The following ZNF536 variants were observed in gnomAD, a reference collection of about 807,000 sequenced individuals.
The protein encoded by ZNF536 is zinc finger protein 536.
A neutral mutation model predicts 84.5 loss-of-function variants in ZNF536; 13 were observed. The ratio of observed to expected loss-of-function variants is 0.15; its 90% confidence interval spans 0.10 to 0.24. ZNF536 has a LOEUF of 0.24. Ranked by LOEUF, ZNF536 falls within the 10% of genes least tolerant of loss-of-function variation. ZNF536 has a pLI of 1.00. For missense variants in ZNF536, 1,536 were observed against 1,747.5 expected (o/e 0.88, Z 2.16); for synonymous variants, 811 against 742.5 (o/e 1.09, Z -1.50).
At chr19:30,553,221 T>A (rs556361289) in intron 4 of ZNF536, among the ~76,000 whole-genome samples, 2 of 152,288 alleles carry the variant, frequency 1.3e-5, no homozygotes, top group Admixed American at 6.5e-5. Context: ...AGTGTTTGCA[T>A]CCATGGACAA....
At chr19:30,622,132 C>T (rs1372616522) in intron 1 of ZNF536, among the ~76,000 whole-genome samples, 1 of 152,172 alleles carries the variant, frequency 6.6e-6, no homozygotes, top group East Asian at 1.9e-4. Flanking sequence ...TTTCAACTGA[C>T]CCTTAGGCAG....
chr19:30,434,183 T>C (rs2051605168), intron 1 of ZNF536, among the ~76,000 whole-genome samples: 1 of 152,238 alleles, frequency 6.6e-6, no homozygotes, highest in African/African-American at 2.4e-5. Context: ...CACCTGACTC[T>C]ACAGGAGAAT....
intron 2 of ZNF536, among the ~76,000 whole-genome samples, chr19:30,300,260 A>G (rs2046135962): frequency 6.6e-6 from 1 of 152,162 alleles, no homozygotes; most frequent in African/African-American, 2.4e-5. Context: ...TTGAACAGGA[A>G]TCTTACATTC....
upstream of ZNF536, among the ~76,000 whole-genome samples, chr19:30,226,262 G>A (rs543624701): frequency 9.8e-5 from 15 of 152,302 alleles, no homozygotes; most frequent in East Asian, 2.7e-3. This position sits in a 1 kb window ranked among gnomAD's most constrained non-coding sequence, Gnocchi z 4.6. Flanking sequence ...CTGGGGCCGC[G>A]GAAACTTCTG....
At chr19:30,360,378 G>T (rs1215611613) in intron 3 of ZNF536, among the ~76,000 whole-genome samples, 1 of 152,206 alleles carries the variant, frequency 6.6e-6, no homozygotes, top group Non-Finnish European at 1.5e-5. Flanking sequence ...TCAGACTGTT[G>T]CCTGAAAGTA....
At chr19:30,235,049 G>C (rs2023382775) in intron 1 of ZNF536, among the ~76,000 whole-genome samples, 1 of 152,158 alleles carries the variant, frequency 6.6e-6, no homozygotes, top group Non-Finnish European at 1.5e-5. Context: ...GGGGCTCTTC[G>C]GTGTAGGTAT....
At chr19:30,612,548 C>T (rs1021601403) in intron 1 of ZNF536, among the ~76,000 whole-genome samples, 1 of 152,136 alleles carries the variant, frequency 6.6e-6, no homozygotes, top group Non-Finnish European at 1.5e-5. Context: ...AGATCCATGT[C>T]GTTGGGATTT....
chr19:30,460,677 G>A (rs1413384529), intron 2 of ZNF536, among the ~76,000 whole-genome samples: 8 of 152,176 alleles, frequency 5.3e-5, no homozygotes, highest in African/African-American at 1.9e-4. Context: ...GCCACTGTGT[G>A]TGCAGGACTG....
chr19:30,636,145 G>A, intron 1 of ZNF536, among the ~76,000 whole-genome samples: 1 of 152,200 alleles, frequency 6.6e-6, no homozygotes, highest in East Asian at 1.9e-4. Flanking sequence ...CTTCACAATG[G>A]TGGTCAGCCA....
intron 1 of ZNF536, among the ~76,000 whole-genome samples, chr19:30,626,596 C>G (rs545669067): frequency 2.0e-5 from 3 of 152,252 alleles, no homozygotes; most frequent in East Asian, 3.9e-4. Flanking sequence ...CCTGGGAGGC[C>G]TTTTCCCCCG....
rs372903762 is a variant in ZNF536 at position 30,532,209 on chromosome 19, A to C, written c.2171-2638A>C. Among the ~76,000 whole-genome samples, 303 of 152,002 alleles carry C rather than the reference A, an allele frequency of 2.0e-3. 1 individual carries two copies. The highest frequency in any genetic ancestry group is 6.9e-3 in the African/African-American group (284 of 41,444). On this transcript the variant is annotated intron_variant, in intron 2 of 4. Coordinates refer to ENST00000355537, the MANE Select transcript of ZNF536 (RefSeq NM_014717.3). ...TGGTGGTGCGATCTCAGCTCACCGC[A>C]ACCTCCACCTCCCAGGCTCAAGCGA...
chr19:30,398,411 T>C (rs952983322), intron 1 of ZNF536, among the ~76,000 whole-genome samples: 2 of 151,350 alleles, frequency 1.3e-5, no homozygotes, highest in East Asian at 3.9e-4. Flanking sequence ...AAATTATAGT[T>C]TAAGTTATAG....
At chr19:30,372,836 C>G (rs937942931) in intron 1 of ZNF536, among the ~76,000 whole-genome samples, 68 of 151,302 alleles carry the variant, frequency 4.5e-4, no homozygotes, top group African/African-American at 1.5e-3. Context: ...CCCGCCCCCC[C>G]CATCTAATCT....
At chr19:30,609,910 C>T (rs1381293852) in intron 1 of ZNF536, among the ~76,000 whole-genome samples, 3 of 113,716 alleles carry the variant, frequency 2.6e-5, no homozygotes, top group Non-Finnish European at 6.1e-5. Flanking sequence ...ATCCATCCAT[C>T]CATCCATCCA....
chr19:30,375,593 G>C (rs1545037), intron 1 of ZNF536, among the ~76,000 whole-genome samples: 1 of 152,018 alleles, frequency 6.6e-6, no homozygotes, highest in Non-Finnish European at 1.5e-5. Flanking sequence ...GGGACTTGGG[G>C]TGTGAGTGCC....
intron 1 of ZNF536, among the ~76,000 whole-genome samples, chr19:30,644,142 G>T (rs541057672): frequency 3.9e-5 from 6 of 152,316 alleles, no homozygotes; most frequent in Admixed American, 3.3e-4. Context: ...CACTTCAGTT[G>T]TCCCTGGGAG....
intron 2 of ZNF536, among the ~76,000 whole-genome samples, chr19:30,515,189 G>A (rs546242475): frequency 2.0e-5 from 3 of 152,268 alleles, no homozygotes; most frequent in South Asian, 4.1e-4. Flanking sequence ...TTGAGCCCAG[G>A]AGTTCAAGGT....
chr19:30,375,476 G>A (rs149991689), intron 1 of ZNF536, among the ~76,000 whole-genome samples: 2,810 of 152,216 alleles, frequency 0.018, 90 homozygotes, highest in African/African-American at 0.062. Flanking sequence ...GCCCCTGTCC[G>A]CAGCCCACAG....
chr19:30,273,400 ATGT>A (rs1359247319), intron 1 of ZNF536, among the ~76,000 whole-genome samples: 1 of 152,082 alleles, frequency 6.6e-6, no homozygotes, highest in African/African-American at 2.4e-5. Flanking sequence ...TCAGCATTTG[ATGT>A]TGTCAGTGTT....
Sources: gnomAD v4.1 joint callset for allele counts (sites outside exome capture counted in the v4.1 genomes callset) on GRCh38, gnomAD v4.1.1 for gene constraint, Gnocchi (gnomAD v3.1) non-coding constraint, MANE v1.5 for transcripts, NCBI Gene and HGNC (gene_info 2026-07-23, HGNC 2026-07-21) for gene names.